The following NOVA1 variants were observed in gnomAD, a reference collection of about 807,000 sequenced individuals.
The protein encoded by NOVA1 is NOVA alternative splicing regulator 1.
In NOVA1, 7 loss-of-function variants were observed where a neutral mutation model predicts 38.0. The observed-to-expected ratio is 0.18, with a 90% CI of 0.10 to 0.35. The LOEUF (loss-of-function observed/expected upper bound fraction) is 0.35. NOVA1 is among the 10% of genes least tolerant of loss of function. The probability of loss-of-function intolerance (pLI) is 1.00; values close to 1 mark genes in which losing one functional copy is unlikely to be tolerated. For synonymous variants in NOVA1, 270 were observed against 232.5 expected, an observed-to-expected ratio of 1.16 and a Z score of -1.47; for missense variants, 460 against 616.0, an observed-to-expected ratio of 0.75 and a Z score of 2.68.
intron 2 of NOVA1, among the ~76,000 whole-genome samples, chr14:26,522,475 T>C (rs186857677): frequency 2.0e-5 from 3 of 152,268 alleles, no homozygotes; most frequent in African/African-American, 7.2e-5. Context: ...AAGTAAATGC[T>C]GTTGGCCTGG....
At chr14:26,489,008 A>G (rs1470159102) in intron 2 of NOVA1, among the ~76,000 whole-genome samples, 3 of 152,156 alleles carry the variant, frequency 2.0e-5, no homozygotes, top group Non-Finnish European at 4.4e-5. Context: ...CAGTGGTGGA[A>G]TGCATAGCTA....
chr14:26,587,415 A>G (rs561341335), intron 2 of NOVA1, among the ~76,000 whole-genome samples: 20 of 151,224 alleles, frequency 1.3e-4, no homozygotes, highest in African/African-American at 4.1e-4. Flanking sequence ...ATACATTGTA[A>G]TAATTCTAAG....
At chr14:26,473,772 T>C (rs909362636) in intron 3 of NOVA1, among the ~76,000 whole-genome samples, 1 of 152,112 alleles carries the variant, frequency 6.6e-6, no homozygotes, top group Admixed American at 6.6e-5. Context: ...TAAGTACTTC[T>C]AGGAAACCTA....
Position 26,448,043 on chromosome 14 carries a change from T to C in NOVA1, c.1440A>G (p.Ala480=). ...TAATTAAATATTGAGCAGCCTGTGT[T>C]GCAGCTGGTGTTCCAGTAATGGTTA... ...RKVTITGTPA[A]TQAAQYLITQ... Residue 480 remains alanine (A), a synonymous_variant, in exon 5 of 5, where the codon GCA becomes GCG. Coordinates refer to ENST00000539517, the MANE Select transcript of NOVA1 (RefSeq NM_002515.3). The surrounding 1 kb of genome is among the most constrained non-coding windows in gnomAD (Gnocchi z 5.3). The C allele has an allele frequency of 6.2e-7, 1 of 1,614,194 alleles. No homozygotes were observed. The highest frequency in any genetic ancestry group is 1.1e-5 in the South Asian group (1 of 91,082).
intron 2 of NOVA1, among the ~76,000 whole-genome samples, chr14:26,486,206 C>T (rs1382676580): frequency 6.6e-6 from 1 of 151,972 alleles, no homozygotes; most frequent in Non-Finnish European, 1.5e-5. Flanking sequence ...GGAGGTATGT[C>T]TGTCTGTTTA....
chr14:26,577,742 G>A (rs1892950662), intron 2 of NOVA1, among the ~76,000 whole-genome samples: 1 of 152,112 alleles, frequency 6.6e-6, no homozygotes, highest in Non-Finnish European at 1.5e-5. Flanking sequence ...GGAGAAGACT[G>A]AGAGAAGTTG....
At chr14:26,520,875 C>T (rs1329229353) in intron 2 of NOVA1, among the ~76,000 whole-genome samples, 3 of 152,068 alleles carry the variant, frequency 2.0e-5, no homozygotes, top group African/African-American at 4.8e-5. Context: ...AACTGAAATG[C>T]TATATAAGTT....
chr14:26,528,570 C>T (rs867447865), intron 2 of NOVA1, among the ~76,000 whole-genome samples: 1 of 152,044 alleles, frequency 6.6e-6, no homozygotes, highest in African/African-American at 2.4e-5. Context: ...AAAAAGAATA[C>T]CTTAGACACC....
At chr14:26,496,877 T>C (rs1886842084) in intron 2 of NOVA1, among the ~76,000 whole-genome samples, 1 of 152,172 alleles carries the variant, frequency 6.6e-6, no homozygotes, top group African/African-American at 2.4e-5. Flanking sequence ...ACCAGTACCA[T>C]GCTGTTTTGG....
chr14:26,466,671 T>C (rs1425135611), intron 4 of NOVA1, among the ~76,000 whole-genome samples: 1 of 152,244 alleles, frequency 6.6e-6, no homozygotes, highest in Non-Finnish European at 1.5e-5. Context: ...CCAAAATTCA[T>C]GTGTTGGAAA....
chr14:26,459,020 C>T (rs1883429581), intron 4 of NOVA1, among the ~76,000 whole-genome samples: 1 of 151,856 alleles, frequency 6.6e-6, no homozygotes. Flanking sequence ...TTAGTGTGCC[C>T]TAAGTGTACA....
chr14:26,483,219 T>C (rs943843365), intron 2 of NOVA1, among the ~76,000 whole-genome samples: 1 of 152,204 alleles, frequency 6.6e-6, no homozygotes, highest in Non-Finnish European at 1.5e-5. Flanking sequence ...TATTCAGTGC[T>C]ACTATAAGTT....
chr14:26,465,544 T>G (rs1486419617), intron 4 of NOVA1, among the ~76,000 whole-genome samples: 1 of 152,310 alleles, frequency 6.6e-6, no homozygotes, highest in East Asian at 1.9e-4. Flanking sequence ...GTTTTCAAAT[T>G]GTGCTCTGAA....
intron 2 of NOVA1, among the ~76,000 whole-genome samples, chr14:26,525,994 T>A (rs889833456): frequency 6.6e-6 from 1 of 152,052 alleles, no homozygotes; most frequent in African/African-American, 2.4e-5. Context: ...CACCTGGTAG[T>A]TTTAGCTTAT....
chr14:26,484,367 C>T (rs1438979852), intron 2 of NOVA1, among the ~76,000 whole-genome samples: 2 of 120,948 alleles, frequency 1.7e-5, no homozygotes, highest in Non-Finnish European at 3.2e-5. Flanking sequence ...ACCCGTGAGG[C>T]GGAGCTTGCA....
chr14:26,448,931 A>T lies in NOVA1; in HGVS notation c.552T>A (p.Gly184=). The change falls in exon 5 of 5, where the codon GGT becomes GGA. Residue 184 remains glycine (G), a synonymous_variant. Coordinates refer to ENST00000539517, the MANE Select transcript of NOVA1 (RefSeq NM_002515.3). The surrounding 1 kb of genome is among the most constrained non-coding windows in gnomAD (Gnocchi z 5.3). Reference sequence around the variant, plus strand: ...TAGCACCTCCCTTCCCTATTATCAGACCTGCTGTGCTGTTGGGAACTATAA... The same window carrying T: ...TAGCACCTCCCTTCCCTATTATCAGTCCTGCTGTGCTGTTGGGAACTATAA... The part of the protein sequence containing the change: ...VKIIVPNSTA[G]LIIGKGGATV... 1 of 1,613,806 alleles carries T rather than the reference A, an allele frequency of 6.2e-7. No individual in the cohort carries two copies. Among genetic ancestry groups the T allele is most frequent in the South Asian group, 1.1e-5 (1 of 91,064 alleles).
At chr14:26,470,434 T>A in intron 4 of NOVA1, 1 of 1,545,872 alleles carries the variant, frequency 6.5e-7, no homozygotes, top group Non-Finnish European at 8.9e-7. Context: ...GAATTACGGA[T>A]TTTGTTTTGT....
chr14:26,567,121 A>G (rs1185785811), intron 2 of NOVA1, among the ~76,000 whole-genome samples: 1 of 152,074 alleles, frequency 6.6e-6, no homozygotes, highest in Non-Finnish European at 1.5e-5. Flanking sequence ...CCAAATTATA[A>G]TCCAAAAACC....
At chr14:26,524,261 C>T (rs981861347) in intron 2 of NOVA1, among the ~76,000 whole-genome samples, 2 of 152,100 alleles carry the variant, frequency 1.3e-5, no homozygotes, top group African/African-American at 2.4e-5. Flanking sequence ...GTTTGTGGAT[C>T]TGGTGCCTGC....
Sources: allele counts gnomAD v4.1 joint callset (sites outside exome capture counted in the v4.1 genomes callset), GRCh38; gene constraint gnomAD v4.1.1; non-coding constraint Gnocchi (gnomAD v3.1); transcripts MANE v1.5; gene names NCBI Gene and HGNC (gene_info 2026-07-23, HGNC 2026-07-21).